MAP2K6: variants seen among roughly 807,000 people sequenced by gnomAD.
MAP2K6 encodes the protein dual specificity mitogen-activated protein kinase kinase 6.
MAP2K6 carries 16 observed loss-of-function variants against 53.7 expected under a neutral mutation model. That is an observed-to-expected ratio of 0.30 (90% CI 0.20 to 0.45). The LOEUF is 0.45. Among genes scored for constraint, MAP2K6 ranks in the 20% least tolerant of loss-of-function variants. MAP2K6 has a pLI of 1.00. For synonymous variants in MAP2K6, 132 were observed against 143.1 expected, an observed-to-expected ratio of 0.92 and a Z score of 0.55; for missense variants, 204 against 411.9, an observed-to-expected ratio of 0.50 and a Z score of 4.37.
In MAP2K6 at chr17:69,536,097, TA is replaced by T. The variant is rs755578176; in HGVS notation, c.882-17del. 7.8e-5 allele frequency: 120 copies of T among 1,542,356 alleles called. No homozygotes were observed. In the Admixed American group the frequency reaches 1.6e-3, roughly 20 times the overall value. The stretch of plus-strand genomic sequence containing the variant: ...TATATGGCTTCTAGATTTTAATGAT[TA>T]TTTTTTTTTCTTTAAGCTTAAAGAA... On this transcript the variant is annotated splice_polypyrimidine_tract_variant and intron_variant, in intron 10 of 11. Coordinates refer to ENST00000590474, the MANE Select transcript of MAP2K6 (RefSeq NM_002758.4).
chr17:69,477,773 G>A (rs1372240737), intron 1 of MAP2K6, among the ~76,000 whole-genome samples: 1 of 152,178 alleles, frequency 6.6e-6, no homozygotes, highest in East Asian at 1.9e-4. Flanking sequence ...ATGCAACTGG[G>A]AGAGTTAGCA....
In MAP2K6 at chr17:69,538,932, T is replaced by TA. The variant is rs369645040; in HGVS notation, c.928-2734dup. The stretch of plus-strand genomic sequence containing the variant: ...GTGAAAGCAGCCATATCCGATGTGT[T>TA]AAAAAAAAAATGGGGTGTGTGTGGC... On this transcript the variant is annotated intron_variant, in intron 11 of 11. Coordinates refer to ENST00000590474, the MANE Select transcript of MAP2K6 (RefSeq NM_002758.4). Among the ~76,000 whole-genome samples, 1,207 of 149,516 alleles carry TA rather than the reference T, an allele frequency of 8.1e-3. 18 individuals are homozygous for TA. The highest frequency in any genetic ancestry group is 0.045 in the East Asian group (230 of 5,130).
In MAP2K6 at chr17:69,549,670, CT is replaced by C. The variant is rs1912018418; in HGVS notation, c.*7919del. ...AAAACCCTCATTCCAAACATGCGAC[CT>C]TATAATAAGAACTTCCTTTAAAGAT... On this transcript the variant is annotated 3_prime_UTR_variant, in exon 12 of 12. Transcript: ENST00000590474. 6.6e-6 allele frequency: 1 copy of C among 152,122 alleles called. No homozygotes were observed. The allele number at this position is 152,122 out of a possible 1,614,324, so 9.4% of individuals were successfully genotyped here.
At position 69,542,738 on chromosome 17, in the gene MAP2K6, T is replaced by G. The variant is rs1304495451; in HGVS notation, c.*985T>G. 3.3e-5 allele frequency: 5 copies of G among 152,214 alleles called. No homozygotes were observed. The highest frequency in any genetic ancestry group is 2.1e-4 in the South Asian group (1 of 4,830). 9.4% of individuals were successfully genotyped at this position (152,214 alleles called of 1,614,324 possible). ...TTAAATCACAGAAAAAAATGGTGCC[T>G]TCTTCTGCGTTTGTCCCTCCTGCCA... On this transcript the variant is annotated 3_prime_UTR_variant, in exon 12 of 12. Transcript: ENST00000590474.
At position 69,457,353 on chromosome 17, in the gene MAP2K6, T is replaced by C. The variant is rs796131043; in HGVS notation, c.16+42353T>C. 7.2e-5 allele frequency among the ~76,000 whole-genome samples: 11 copies of C among 152,340 alleles called. 1 individual carries two copies. Among genetic ancestry groups the C allele is most frequent in the African/African-American group, 2.4e-4 (10 of 41,580 alleles). On this transcript the variant is annotated intron_variant, in intron 1 of 11. Coordinates refer to ENST00000590474, the MANE Select transcript of MAP2K6 (RefSeq NM_002758.4). ...TCCCCTAGGTTGAGTGGTATTTACCTGGAAATCTTCAGTGTTTGGCCCACA... is the reference window on the plus strand; with the variant it reads ...TCCCCTAGGTTGAGTGGTATTTACCCGGAAATCTTCAGTGTTTGGCCCACA...
At chr17:69,469,902 T>C (rs190486215) in intron 1 of MAP2K6, among the ~76,000 whole-genome samples, 1 of 151,712 alleles carries the variant, frequency 6.6e-6, no homozygotes, top group Admixed American at 6.6e-5. Flanking sequence ...AGTTAGAAAG[T>C]AGAAACAATG....
intron 10 of MAP2K6, among the ~76,000 whole-genome samples, chr17:69,533,415 G>A (rs1911187885): frequency 6.6e-6 from 1 of 152,056 alleles, no homozygotes; most frequent in Non-Finnish European, 1.5e-5. Context: ...TAAATATAAG[G>A]TAAAAAATCA....
chr17:69,418,194 G>A (rs1228818889), intron 1 of MAP2K6, among the ~76,000 whole-genome samples: 1 of 152,170 alleles, frequency 6.6e-6, no homozygotes, highest in Non-Finnish European at 1.5e-5. Context: ...AATCAGAATA[G>A]GTAGCTTGGG....
In MAP2K6 at chr17:69,456,295, C is replaced by T. The variant is rs141446364; in HGVS notation, c.16+41295C>T. Among the ~76,000 whole-genome samples the T allele has an allele frequency of 6.6e-3, 997 of 152,206 alleles. 14 individuals carry two copies. The highest frequency in any genetic ancestry group is 0.023 in the African/African-American group (952 of 41,508). Reference sequence around the variant, plus strand: ...GTGCCTATGCTTCGGGCCTCTTTGGCGGAAAATAACACCTGTGTCTTGAGA... The same window carrying T: ...GTGCCTATGCTTCGGGCCTCTTTGGTGGAAAATAACACCTGTGTCTTGAGA... On this transcript the variant is annotated intron_variant, in intron 1 of 11. Transcript: ENST00000590474.
Position 69,489,220 on chromosome 17 carries a change from C to CAAA in MAP2K6, c.17-16543_17-16541dup, listed in dbSNP as rs58968517. Among the ~76,000 whole-genome samples the CAAA allele has an allele frequency of 6.9e-3, 434 of 62,596 alleles. 1 individual carries two copies. Among genetic ancestry groups the CAAA allele is most frequent in the African/African-American group, 0.027 (419 of 15,722 alleles). 41.1% of individuals were successfully genotyped at this position (62,596 alleles called of 152,430 possible). On this transcript the variant is annotated intron_variant, in intron 1 of 11. Transcript: ENST00000590474. ...GGGCAACAAGAGTGAAACTCTGTCT[C>CAAA]AAAAAAAAAAAAAAAAAAAGGAAAA...
chr17:69,490,213 A>G (rs879596213), intron 1 of MAP2K6, among the ~76,000 whole-genome samples: 5 of 152,206 alleles, frequency 3.3e-5, no homozygotes, highest in Admixed American at 6.5e-5. Flanking sequence ...TTGAGTTAGA[A>G]AGACCTGGAA....
chr17:69,470,771 T>C (rs562347929), intron 1 of MAP2K6, among the ~76,000 whole-genome samples: 1 of 152,316 alleles, frequency 6.6e-6, no homozygotes, highest in South Asian at 2.1e-4. Context: ...TGACACTACC[T>C]CCTCACACAT....
At position 69,422,873 on chromosome 17, in the gene MAP2K6, TTTTGTTTG is replaced by T. The variant is rs542012010; in HGVS notation, c.16+7894_16+7901del. Reference sequence around the variant, plus strand: ...GGCCAAATCTAGCTTCAGCTGTTGTTTTTGTTTGTTTGTTTGTTTGTTTGTTTGAGATG... The same window carrying T: ...GGCCAAATCTAGCTTCAGCTGTTGTTTTTGTTTGTTTGTTTGTTTGAGATG... On this transcript the variant is annotated intron_variant, in intron 1 of 11. Coordinates refer to ENST00000590474, the MANE Select transcript of MAP2K6 (RefSeq NM_002758.4). Among the ~76,000 whole-genome samples, 937 of 152,066 alleles carry T rather than the reference TTTTGTTTG, an allele frequency of 6.2e-3. 7 individuals are homozygous for T. The highest frequency in any genetic ancestry group is 0.02 in the African/African-American group (843 of 41,464).
Position 69,524,892 on chromosome 17 carries a change from T to C in MAP2K6, c.664-9T>C, listed in dbSNP as rs1165294351. On this transcript the variant is annotated splice_polypyrimidine_tract_variant and intron_variant, in intron 8 of 11. Coordinates refer to ENST00000590474, the MANE Select transcript of MAP2K6 (RefSeq NM_002758.4). Reference sequence around the variant, plus strand: ...TTCCCAGTTTCTCAGTTGTCTGTCTTCTTTCCAGCCTGAAAGAATAAACCC... The same window carrying C: ...TTCCCAGTTTCTCAGTTGTCTGTCTCCTTTCCAGCCTGAAAGAATAAACCC... 9 of 1,609,626 alleles carry C rather than the reference T, an allele frequency of 5.6e-6. No homozygotes were observed. Among genetic ancestry groups the C allele is most frequent in the African/African-American group, 2.7e-5 (2 of 74,828 alleles).
chr17:69,530,863 T>C (rs1341812516), intron 10 of MAP2K6, among the ~76,000 whole-genome samples: 1 of 152,190 alleles, frequency 6.6e-6, no homozygotes, highest in African/African-American at 2.4e-5. Context: ...ATTTTACTTG[T>C]TTGATTACTG....
intron 3 of MAP2K6, 91 bp downstream of exon 3, chr17:69,516,994 C>T: frequency 9.8e-7 from 1 of 1,023,712 alleles, no homozygotes; most frequent in Non-Finnish European, 1.5e-6. Context: ...AGCATGCTGT[C>T]AGGGGATGAG....
chr17:69,429,140 T>C (rs1906370849), intron 1 of MAP2K6, among the ~76,000 whole-genome samples: 1 of 151,986 alleles, frequency 6.6e-6, no homozygotes, highest in African/African-American at 2.4e-5. Context: ...GGACAAAGTT[T>C]CAGAGGGAGA....
At chr17:69,507,301 A>C (rs901875664) in intron 2 of MAP2K6, among the ~76,000 whole-genome samples, 19 of 151,772 alleles carry the variant, frequency 1.3e-4, no homozygotes, top group African/African-American at 3.6e-4. Context: ...AAATCATAGA[A>C]CTTAATTTTG....
chr17:69,498,057 C>T lies in MAP2K6; in HGVS notation c.17-7723C>T, dbSNP rs1909012238. Among the ~76,000 whole-genome samples, 3 of 152,282 alleles carry T rather than the reference C, an allele frequency of 2.0e-5. No individual in the cohort carries two copies. In the South Asian group the frequency reaches 6.2e-4, roughly 32 times the overall value. ...TTATTATGGAGTTGGGTTTTCATAT[C>T]TCCTGATGCTTCGATGGCAGAATTG... On this transcript the variant is annotated intron_variant, in intron 1 of 11. Coordinates refer to ENST00000590474, the MANE Select transcript of MAP2K6 (RefSeq NM_002758.4).
Sources: gnomAD v4.1 joint callset for allele counts (sites outside exome capture counted in the v4.1 genomes callset) on GRCh38, gnomAD v4.1.1 for gene constraint, MANE v1.5 for transcripts, NCBI Gene and HGNC (gene_info 2026-07-23, HGNC 2026-07-21) for gene names.